The following SDHB variants were observed in gnomAD, a reference collection of about 807,000 sequenced individuals.
SDHB encodes succinate dehydrogenase [ubiquinone] iron-sulfur subunit, mitochondrial.
SDHB carries 21 observed loss-of-function variants against 39.7 expected under a neutral mutation model. The ratio of observed to expected loss-of-function variants is 0.53; its 90% CI spans 0.37 to 0.76. The LOEUF is 0.76. Ranked by LOEUF, SDHB falls within the 30% of genes least tolerant of loss-of-function variation. The pLI, the probability that SDHB is intolerant of heterozygous loss-of-function variation, is 0.00. For synonymous variants in SDHB, 118 were observed against 117.0 expected, an observed-to-expected ratio of 1.01 and a Z score of -0.06; for missense variants, 343 against 350.9, an observed-to-expected ratio of 0.98 and a Z score of 0.18.
intron 2 of SDHB, among the ~76,000 whole-genome samples, chr1:17,038,136 G>A (rs1047631776): frequency 6.6e-6 from 1 of 151,346 alleles, no homozygotes; most frequent in Non-Finnish European, 1.5e-5. Flanking sequence ...CGAAAACTCT[G>A]TCTCAAAAAA....
intron 1 of SDHB, among the ~76,000 whole-genome samples, chr1:17,050,307 AT>A (rs995514411): frequency 1.1e-3 from 160 of 145,944 alleles, no homozygotes; most frequent in African/African-American, 2.3e-3. Context: ...AAATGTCATC[AT>A]TTTTTTTTTT....
chr1:17,039,683 C>G (rs554069231), intron 2 of SDHB, among the ~76,000 whole-genome samples: 1 of 152,216 alleles, frequency 6.6e-6, no homozygotes, highest in East Asian at 1.9e-4. Flanking sequence ...ACTCTTTATA[C>G]CTGTTTAGAG....
intron 3 of SDHB, among the ~76,000 whole-genome samples, chr1:17,030,571 G>A (rs2078016920): frequency 3.3e-5 from 5 of 152,160 alleles, no homozygotes; most frequent in Admixed American, 3.3e-4. Flanking sequence ...GGGTGTTTTG[G>A]AATTTAAAAA....
chr1:17,044,675 T>G, intron 2 of SDHB, 86 bp downstream of exon 2: 1 of 1,489,520 alleles, frequency 6.7e-7, no homozygotes, highest in Non-Finnish European at 9.3e-7. Flanking sequence ...TCTCAGATTT[T>G]TAAGCCTTCC....
chr1:17,036,694 A>T (rs2078051716), intron 2 of SDHB, among the ~76,000 whole-genome samples: 1 of 142,968 alleles, frequency 7.0e-6, no homozygotes, highest in Non-Finnish European at 1.5e-5. Context: ...ATAAATATTT[A>T]TATAAATATG....
chr1:17,047,292 A>T (rs2078115791), intron 1 of SDHB, among the ~76,000 whole-genome samples: 1 of 149,620 alleles, frequency 6.7e-6, no homozygotes, highest in Admixed American at 6.6e-5. Context: ...GGAGACGGAG[A>T]TTGCAGTGAG....
At chr1:17,028,769 C>T (rs1183453206) in intron 3 of SDHB, 33 bp from the exon 4 acceptor site, 1 of 1,611,530 alleles carries the variant, frequency 6.2e-7, no homozygotes, top group Non-Finnish European at 8.5e-7. Context: ...ACATCCTCAC[C>T]CATATCCGGA....
At chr1:17,019,239 ACT>A (rs1351409455) in intron 7 of SDHB, among the ~76,000 whole-genome samples, 3 of 152,124 alleles carry the variant, frequency 2.0e-5, no homozygotes, top group African/African-American at 7.2e-5. Flanking sequence ...GCAGAGGTGC[ACT>A]CTCTGACTGC....
intron 5 of SDHB, 126 bp downstream of exon 5, chr1:17,027,623 T>A (rs915138533): frequency 1.3e-6 from 1 of 755,534 alleles, no homozygotes; most frequent in Non-Finnish European, 2.4e-6. Context: ...CCCACCCTTG[T>A]GCCAGTTCCT....
intron 7 of SDHB, among the ~76,000 whole-genome samples, chr1:17,019,253 CAA>C: frequency 6.6e-6 from 1 of 152,282 alleles, no homozygotes; most frequent in East Asian, 1.9e-4. Context: ...TCTGACTGCT[CAA>C]AGACACTCAG....
intron 1 of SDHB, chr1:17,052,263 T>C (rs577930850): frequency 6.6e-6 from 1 of 152,168 alleles, no homozygotes; most frequent in Admixed American, 6.6e-5. Flanking sequence ...ACAGGCAGAA[T>C]TGTGGTTCAG....
intron 2 of SDHB, among the ~76,000 whole-genome samples, chr1:17,035,340 G>C (rs933184496): frequency 6.6e-6 from 1 of 151,924 alleles, no homozygotes; most frequent in African/African-American, 2.4e-5. Context: ...TGCAAAAACT[G>C]TATCAGTTGT....
intron 1 of SDHB, among the ~76,000 whole-genome samples, chr1:17,053,312 C>T (rs569227335): frequency 6.6e-6 from 1 of 152,256 alleles, no homozygotes; most frequent in East Asian, 1.9e-4. Flanking sequence ...CCTTTAGAGT[C>T]AGAAACACTG....
intron 1 of SDHB, chr1:17,052,494 T>C (rs1359408674): frequency 6.6e-6 from 1 of 152,190 alleles, no homozygotes; most frequent in African/African-American, 2.4e-5. Context: ...CCTATGAAAT[T>C]AGCCTTTTCT....
intron 1 of SDHB, among the ~76,000 whole-genome samples, chr1:17,048,303 GCT>G (rs2078124910): frequency 1.3e-5 from 2 of 152,186 alleles, no homozygotes; most frequent in Admixed American, 6.6e-5. Context: ...CATCCAAGTT[GCT>G]GTGTACAGCA....
chr1:17,042,198 C>T (rs2101538668), intron 2 of SDHB, among the ~76,000 whole-genome samples: 1 of 152,284 alleles, frequency 6.6e-6, no homozygotes, highest in Admixed American at 6.5e-5. Context: ...TTGTGGTTTT[C>T]CATCCAACTG....
intron 2 of SDHB, among the ~76,000 whole-genome samples, chr1:17,036,825 T>C (rs2078053164): frequency 6.7e-6 from 1 of 150,156 alleles, no homozygotes; most frequent in African/African-American, 2.4e-5. Flanking sequence ...CACACACACA[T>C]TTTTTCTGTA....
At chr1:17,050,307 A>T (rs899309797) in intron 1 of SDHB, among the ~76,000 whole-genome samples, 19 of 146,070 alleles carry the variant, frequency 1.3e-4, no homozygotes, top group Non-Finnish European at 2.1e-4. Context: ...AAATGTCATC[A>T]TTTTTTTTTT....
intron 2 of SDHB, among the ~76,000 whole-genome samples, chr1:17,033,386 G>A (rs755821832): frequency 1.3e-5 from 2 of 152,178 alleles, no homozygotes; most frequent in Non-Finnish European, 2.9e-5. Flanking sequence ...AGTAGTAGTA[G>A]ACAAGTATGA....
Sources: allele counts gnomAD v4.1 joint callset (sites outside exome capture counted in the v4.1 genomes callset), GRCh38; gene constraint gnomAD v4.1.1; transcripts MANE v1.5; gene names NCBI Gene and HGNC (gene_info 2026-07-23, HGNC 2026-07-21).